SLC47A1: variants seen among roughly 807,000 people sequenced by gnomAD.
SLC47A1 encodes the protein multidrug and toxin extrusion protein 1.
SLC47A1 carries 58 observed loss-of-function variants against 65.8 expected under a neutral mutation model. The ratio of observed to expected loss-of-function variants is 0.88; its 90% CI spans 0.71 to 1.10. SLC47A1 has a LOEUF of 1.10. Among genes scored for constraint, SLC47A1 ranks in the 50% least tolerant of loss-of-function variants. SLC47A1 has a pLI of 0.00. For synonymous variants in SLC47A1, 285 were observed against 295.0 expected (o/e 0.97, Z 0.35); for missense variants, 706 against 719.2 (o/e 0.98, Z 0.21).
intron 3 of SLC47A1, among the ~76,000 whole-genome samples, chr17:19,547,519 T>G (rs940151692): frequency 3.3e-5 from 5 of 151,838 alleles, no homozygotes; most frequent in Admixed American, 2.6e-4. Context: ...AGAAATTGTT[T>G]TAAATATAAT....
intron 10 of SLC47A1, among the ~76,000 whole-genome samples, chr17:19,558,971 T>G (rs1228393808): frequency 1.3e-5 from 2 of 152,216 alleles, no homozygotes; most frequent in African/African-American, 4.8e-5. Context: ...AAGGCAATGT[T>G]CATGTTTCAA....
chr17:19,540,488 ACAATTTAAAGAGACAC>A (rs1167658535), intron 1 of SLC47A1, among the ~76,000 whole-genome samples: 1 of 152,212 alleles, frequency 6.6e-6, no homozygotes, highest in East Asian at 1.9e-4. Flanking sequence ...ACATGAATTC[ACAATTTAAAGAGACAC>A]CAAGCTCCAC....
In SLC47A1 at chr17:19,567,136, A is replaced by G; in HGVS notation, c.1217A>G (p.Lys406Arg). The change falls in exon 14 of 17, where the codon AAG becomes AGG. Residue 406 changes from lysine (K) to arginine (R), a missense_variant. Physicochemically the swap from Lys to Arg is conservative, Grantham distance 26 (BLOSUM62 2). Coordinates refer to ENST00000270570, the MANE Select transcript of SLC47A1 (RefSeq NM_018242.3). The part of the protein sequence containing the change: ...GGVLRGSGNQ[K>R]VGAIVNTIGY... Reference sequence around the variant, plus strand: ...GTTCTGAGGGGGAGTGGAAATCAGAAGGTTGGAGCCATTGTGAATACCATT... The same window carrying G: ...GTTCTGAGGGGGAGTGGAAATCAGAGGGTTGGAGCCATTGTGAATACCATT... The G allele has an allele frequency of 6.2e-7, 1 of 1,614,196 alleles. No homozygotes were observed. The highest frequency in any genetic ancestry group is 8.5e-7 in the Non-Finnish European group (1 of 1,180,028).
chr17:19,547,077 A>G (rs1916309249), intron 3 of SLC47A1: 1 of 153,640 alleles, frequency 6.5e-6, no homozygotes, highest in Admixed American at 6.5e-5. Context: ...TTGGAGACAG[A>G]GTCTTGCTCT....
At chr17:19,556,848 C>T (rs1201041289) in intron 10 of SLC47A1, among the ~76,000 whole-genome samples, 1 of 152,284 alleles carries the variant, frequency 6.6e-6, no homozygotes, top group African/African-American at 2.4e-5. Context: ...TGAGCCACCG[C>T]GCCTGACTTG....
intron 4 of SLC47A1, among the ~76,000 whole-genome samples, chr17:19,548,386 T>C (rs575870589): frequency 3.9e-5 from 6 of 152,262 alleles, no homozygotes; most frequent in Admixed American, 3.3e-4. Flanking sequence ...TGTGGGATGG[T>C]AGTTTGTGAC....
intron 1 of SLC47A1, among the ~76,000 whole-genome samples, chr17:19,540,878 C>CACACACACA (rs879334096): frequency 1.3e-3 from 167 of 127,180 alleles, no homozygotes; most frequent in East Asian, 6.8e-3. Flanking sequence ...ACACACACAC[C>CACACACACA]CCTAGGGTTA....
intron 12 of SLC47A1, among the ~76,000 whole-genome samples, chr17:19,561,581 T>C (rs2084311431): frequency 1.4e-5 from 2 of 144,530 alleles, no homozygotes; most frequent in African/African-American, 2.6e-5. Flanking sequence ...AGGTGGAGCT[T>C]GCAGTGAGCT....
chr17:19,573,317 C>T (rs1042355906), intron 16 of SLC47A1, among the ~76,000 whole-genome samples: 8 of 152,006 alleles, frequency 5.3e-5, no homozygotes, highest in Non-Finnish European at 1.2e-4. Flanking sequence ...GATTCCTGGC[C>T]CCTTAGGCAG....
chr17:19,571,562 C>G lies in SLC47A1; in HGVS notation c.1394C>G (p.Ala465Gly). Reference protein sequence around the residue: ...GFIIQLNWKKACQQAQVHANL... With the variant: ...GFIIQLNWKKGCQQAQVHANL... ...ATTATTCAGCTAAATTGGAAAAAAG[C>G]CTGTCAGCAGGTAACTATGTTCATT... is the stretch of plus-strand genomic sequence containing the variant. Residue 465 changes from alanine to glycine, a missense_variant, in exon 15 of 17, where the codon GCC (alanine) becomes GGC (glycine). Coordinates refer to ENST00000270570, the MANE Select transcript of SLC47A1 (RefSeq NM_018242.3). 1 of 1,613,522 alleles carries G rather than the reference C, an allele frequency of 6.2e-7. No homozygotes were observed. Among genetic ancestry groups the G allele is most frequent in the Non-Finnish European group, 8.5e-7 (1 of 1,179,518 alleles).
intron 16 of SLC47A1, among the ~76,000 whole-genome samples, chr17:19,573,087 C>T (rs2084412819): frequency 6.6e-6 from 1 of 152,192 alleles, no homozygotes; most frequent in Non-Finnish European, 1.5e-5. Flanking sequence ...CAGTTCCTCC[C>T]CTAATTTCTG....
intron 10 of SLC47A1, among the ~76,000 whole-genome samples, chr17:19,558,647 G>A (rs905057204): frequency 6.6e-6 from 1 of 151,894 alleles, no homozygotes; most frequent in Non-Finnish European, 1.5e-5. Context: ...GTCTTGTTAT[G>A]TTGCCCAGGC....
chr17:19,544,394 G>C (rs1051523901), intron 2 of SLC47A1, among the ~76,000 whole-genome samples: 3 of 152,242 alleles, frequency 2.0e-5, no homozygotes, highest in Non-Finnish European at 2.9e-5. Flanking sequence ...AGGAATTACA[G>C]GATGTGGCCA....
chr17:19,574,068 G>A (rs546834844), intron 16 of SLC47A1, among the ~76,000 whole-genome samples: 3 of 151,940 alleles, frequency 2.0e-5, no homozygotes, highest in Non-Finnish European at 4.4e-5. Flanking sequence ...GATTATAGGC[G>A]CCCACCACCA....
chr17:19,552,788 G>A (rs919506347), intron 6 of SLC47A1, among the ~76,000 whole-genome samples: 5 of 152,104 alleles, frequency 3.3e-5, no homozygotes, highest in Middle Eastern at 3.2e-3. Flanking sequence ...GCTGGGGCCC[G>A]CAGAGTCTCT....
At chr17:19,548,256 G>C in intron 4 of SLC47A1, 123 bp downstream of exon 4, 1 of 1,232,414 alleles carries the variant, frequency 8.1e-7, no homozygotes, top group South Asian at 1.5e-5. Context: ...CTCCTTGGCT[G>C]ACGTCTCCTA....
chr17:19,553,938 C>T (rs1170034775), intron 6 of SLC47A1, among the ~76,000 whole-genome samples: 1 of 152,200 alleles, frequency 6.6e-6, no homozygotes, highest in African/African-American at 2.4e-5. Flanking sequence ...AATCTGATCA[C>T]TAATTCCCTT....
At position 19,555,794 on chromosome 17, in the gene SLC47A1, A is replaced by G; in HGVS notation, c.740-2A>G. 2 of 1,613,474 alleles carry G rather than the reference A, an allele frequency of 1.2e-6. No individual in the cohort carries two copies. The highest frequency in any genetic ancestry group is 1.7e-6 in the Non-Finnish European group (2 of 1,180,002). The stretch of plus-strand genomic sequence containing the variant: ...CTGGAAATGTGTGTGTCCCCCCCAC[A>G]GGCTGGTCCCTCGAGTGCCTGCAGG... On this transcript the variant is annotated splice_acceptor_variant, in intron 8 of 16. Coordinates refer to ENST00000270570, the MANE Select transcript of SLC47A1 (RefSeq NM_018242.3). LOFTEE classifies it high-confidence loss of function.
In SLC47A1 at chr17:19,571,567, C is replaced by T; in HGVS notation, c.1399C>T (p.Gln467Ter). The T allele has an allele frequency of 1.2e-6, 2 of 1,612,712 alleles. No homozygotes were observed. The highest frequency in any genetic ancestry group is 1.3e-5 in the African/African-American group (1 of 75,024). ...IIQLNWKKAC[Q>*]QAQVHANLKV... ...TCAGCTAAATTGGAAAAAAGCCTGT[C>T]AGCAGGTAACTATGTTCATTCTGTC... The change falls in exon 15 of 17, where the codon CAG becomes TAG. Residue 467 changes from glutamine (Q) to a stop codon, truncating the protein, a stop_gained. Transcript: ENST00000270570. LOFTEE classifies it high-confidence loss of function.
Sources: allele counts gnomAD v4.1 joint callset (sites outside exome capture counted in the v4.1 genomes callset), GRCh38; gene constraint gnomAD v4.1.1; transcripts MANE v1.5; gene names NCBI Gene and HGNC (gene_info 2026-07-23, HGNC 2026-07-21).